The following PLCB4 variants were observed in gnomAD, a reference collection of about 807,000 sequenced individuals.
The protein encoded by PLCB4 is phospholipase C beta 4.
Under a neutral mutation model 178.8 loss-of-function variants are expected in PLCB4, and 77 were observed. The ratio of observed to expected loss-of-function variants is 0.43; its 90% CI spans 0.36 to 0.52. The LOEUF (loss-of-function observed/expected upper bound fraction) is 0.52, where lower values mean the gene tolerates loss of function less well. Among genes scored for constraint, PLCB4 ranks in the 20% least tolerant of loss-of-function variants. PLCB4 has a pLI of 0.00. For missense variants in PLCB4, 1,024 were observed against 1,453.4 expected, an observed-to-expected ratio of 0.70 and a Z score of 4.80; for synonymous variants, 496 against 490.8, an observed-to-expected ratio of 1.01 and a Z score of -0.14.
At chr20:9,246,171 A>G (rs183052639) in intron 3 of PLCB4, among the ~76,000 whole-genome samples, 19 of 152,322 alleles carry the variant, frequency 1.2e-4, no homozygotes, top group Admixed American at 2.6e-4. Context: ...AATACATACT[A>G]TATACTGAGT....
At chr20:9,292,938 G>T (rs866541280) in intron 3 of PLCB4, among the ~76,000 whole-genome samples, 9 of 152,270 alleles carry the variant, frequency 5.9e-5, no homozygotes, top group South Asian at 2.1e-4. Context: ...AATTATCCGA[G>T]TGTGGTGGTA....
At chr20:9,302,553 A>G (rs59753541) in intron 3 of PLCB4, among the ~76,000 whole-genome samples, 6,711 of 152,226 alleles carry the variant, frequency 0.044, 172 homozygotes, top group Middle Eastern at 0.068. Context: ...ATACTCCAAC[A>G]TCATTTTGCC....
chr20:9,260,459 T>A (rs2094285816), intron 3 of PLCB4, among the ~76,000 whole-genome samples: 1 of 152,140 alleles, frequency 6.6e-6, no homozygotes, highest in South Asian at 2.1e-4. Flanking sequence ...GGCACAGTGG[T>A]TCCCTTTGAG....
chr20:9,379,601 T>C (rs2036966521), intron 12 of PLCB4, among the ~76,000 whole-genome samples: 2 of 152,190 alleles, frequency 1.3e-5, no homozygotes, highest in Admixed American at 1.3e-4. Flanking sequence ...TTAGGCTTTT[T>C]GTTGTTATTG....
chr20:9,165,896 T>C (rs1320494218), intron 2 of PLCB4, among the ~76,000 whole-genome samples: 1 of 151,908 alleles, frequency 6.6e-6, no homozygotes, highest in Non-Finnish European at 1.5e-5. Flanking sequence ...GACAAAAGTC[T>C]CAACATTTTA....
intron 32 of PLCB4, among the ~76,000 whole-genome samples, chr20:9,447,231 T>A (rs536953528): frequency 6.6e-6 from 1 of 152,220 alleles, no homozygotes; most frequent in Non-Finnish European, 1.5e-5. Flanking sequence ...CTTAAAACAA[T>A]GACCATTTAT....
intron 2 of PLCB4, among the ~76,000 whole-genome samples, chr20:9,117,959 T>G (rs1336131147): frequency 6.6e-6 from 1 of 152,196 alleles, no homozygotes; most frequent in African/African-American, 2.4e-5. Flanking sequence ...TTATATAAGC[T>G]TGCTTATTAT....
chr20:9,216,460 G>A (rs997513408), intron 2 of PLCB4, among the ~76,000 whole-genome samples: 2 of 151,798 alleles, frequency 1.3e-5, no homozygotes, highest in African/African-American at 4.8e-5. Flanking sequence ...CTCGTGATCC[G>A]CCCGCCTCGG....
chr20:9,261,506 T>A (rs2094297196), intron 3 of PLCB4, among the ~76,000 whole-genome samples: 1 of 152,224 alleles, frequency 6.6e-6, no homozygotes, highest in Admixed American at 6.5e-5. Context: ...TTCATGGCAT[T>A]GAATGTTCTT....
chr20:9,333,198 G>C (rs1242510301), intron 4 of PLCB4, among the ~76,000 whole-genome samples: 1 of 152,040 alleles, frequency 6.6e-6, no homozygotes, highest in Non-Finnish European at 1.5e-5. Context: ...TTAGTTTTAT[G>C]GTGCTTTTGA....
At chr20:9,206,413 C>G (rs968686871) in intron 2 of PLCB4, among the ~76,000 whole-genome samples, 1 of 150,278 alleles carries the variant, frequency 6.7e-6, no homozygotes. Context: ...CTTGCAACCA[C>G]TCCCATGGCA....
chr20:9,127,682 C>CCA (rs1568800979), intron 2 of PLCB4, among the ~76,000 whole-genome samples: 26 of 138,088 alleles, frequency 1.9e-4, no homozygotes, highest in Admixed American at 5.7e-4. Context: ...ATCTATCTAT[C>CCA]TATCCATCCA....
intron 1 of PLCB4, among the ~76,000 whole-genome samples, chr20:9,094,055 G>GT (rs1156829162): frequency 6.6e-6 from 1 of 152,078 alleles, no homozygotes; most frequent in Non-Finnish European, 1.5e-5. Flanking sequence ...AAAAAAAGTT[G>GT]TTTCCTCTTG....
At chr20:9,075,225 G>A (rs971196608) in intron 1 of PLCB4, among the ~76,000 whole-genome samples, 1 of 151,996 alleles carries the variant, frequency 6.6e-6, no homozygotes, top group South Asian at 2.1e-4. Context: ...TCTAACCACC[G>A]TACTGTGTAT....
chr20:9,098,095 A>G lies in PLCB4; in HGVS notation c.-79+1753A>G, dbSNP rs1481463391. ...GCAATTATTGCAGTGAATTGACTGC[A>G]TAATAGTTAAATAAATGTTTTCTTT... On this transcript the variant is annotated intron_variant, in intron 2 of 39. Coordinates refer to ENST00000378473, the MANE Select transcript of PLCB4 (RefSeq NM_001377142.1). 2.6e-5 allele frequency among the ~76,000 whole-genome samples: 4 copies of G among 152,230 alleles called. No homozygotes were observed. The East Asian group carries it at 5.8e-4, about 22-fold the overall frequency.
chr20:9,358,438 A>G (rs78555472), intron 7 of PLCB4, among the ~76,000 whole-genome samples: 4 of 152,318 alleles, frequency 2.6e-5, no homozygotes, highest in South Asian at 2.1e-4. Context: ...TCATTTTTCC[A>G]TTGACAATAT....
At chr20:9,097,692 A>G (rs1418918576) in intron 2 of PLCB4, among the ~76,000 whole-genome samples, 4 of 151,808 alleles carry the variant, frequency 2.6e-5, no homozygotes, top group Admixed American at 2.6e-4. Flanking sequence ...GCTTTTAATT[A>G]CCCATCCAGC....
chr20:9,321,781 G>A (rs141153131), intron 4 of PLCB4, among the ~76,000 whole-genome samples: 32 of 151,278 alleles, frequency 2.1e-4, no homozygotes, highest in Admixed American at 5.3e-4. Flanking sequence ...CTACAGGTGC[G>A]CACCACCATG....
chr20:9,265,152 G>C (rs1287468355), intron 3 of PLCB4, among the ~76,000 whole-genome samples: 2 of 152,110 alleles, frequency 1.3e-5, no homozygotes, highest in Non-Finnish European at 2.9e-5. Context: ...TAGTATTAGG[G>C]ACCATCAGTG....
Sources: gnomAD v4.1 joint callset for allele counts (sites outside exome capture counted in the v4.1 genomes callset) on GRCh38, gnomAD v4.1.1 for gene constraint, MANE v1.5 for transcripts, NCBI Gene and HGNC (gene_info 2026-07-23, HGNC 2026-07-21) for gene names.